MEOX2: variants seen among roughly 807,000 people sequenced by gnomAD.
The protein encoded by MEOX2 is mesenchyme homeobox 2.
Under a neutral mutation model 27.0 loss-of-function variants are expected in MEOX2, and 11 were observed. The ratio of observed to expected loss-of-function variants is 0.41; its 90% CI spans 0.26 to 0.68. The LOEUF is 0.68. Among genes scored for constraint, MEOX2 ranks in the 30% least tolerant of loss-of-function variants. The pLI, the probability that MEOX2 is intolerant of heterozygous loss-of-function variation, is 0.33. For missense variants in MEOX2, 436 were observed against 385.4 expected, an observed-to-expected ratio of 1.13 and a Z score of -1.10; for synonymous variants, 189 against 155.4, an observed-to-expected ratio of 1.22 and a Z score of -1.61.
intron 1 of MEOX2, among the ~76,000 whole-genome samples, chr7:15,635,463 C>G (rs2115366688): frequency 6.6e-6 from 1 of 152,036 alleles, no homozygotes; most frequent in African/African-American, 2.4e-5. Flanking sequence ...CTTATTCAAC[C>G]CCTATTGTCT....
At chr7:15,666,791 T>A (rs1782015613) in intron 1 of MEOX2, among the ~76,000 whole-genome samples, 8 of 127,494 alleles carry the variant, frequency 6.3e-5, no homozygotes, top group Non-Finnish European at 9.7e-5. Flanking sequence ...TATATATATA[T>A]ATATATATAT....
At chr7:15,653,454 T>C (rs1781771807) in intron 1 of MEOX2, among the ~76,000 whole-genome samples, 1 of 151,956 alleles carries the variant, frequency 6.6e-6, no homozygotes, top group Non-Finnish European at 1.5e-5. Context: ...TAACAGGGTC[T>C]TTCACGGAGC....
In MEOX2 at chr7:15,638,804, C is replaced by T. The variant is rs150758936; in HGVS notation, c.518-11886G>A. On this transcript the variant is annotated intron_variant, in intron 1 of 2. Transcript: ENST00000262041. ...ACTCCATCTCTACTGCTGTAGAGGA[C>T]AGGATTTGATACCTTTTTTATGGCT... Among the ~76,000 whole-genome samples, 304 of 152,170 alleles carry T rather than the reference C, an allele frequency of 2.0e-3. 2 individuals carry two copies. The highest frequency in any genetic ancestry group is 3.4e-3 in the Middle Eastern group (1 of 294).
chr7:15,648,458 T>G (rs923543645), intron 1 of MEOX2, among the ~76,000 whole-genome samples: 1 of 152,058 alleles, frequency 6.6e-6, no homozygotes. Flanking sequence ...TCTGGAAAGT[T>G]TAAGATGGCT....
intron 1 of MEOX2, among the ~76,000 whole-genome samples, chr7:15,660,831 G>A (rs1439471672): frequency 6.6e-6 from 1 of 151,780 alleles, no homozygotes. Flanking sequence ...AGACCAACCT[G>A]GCCAACATGG....
At chr7:15,617,880 A>C (rs950953080) in intron 2 of MEOX2, among the ~76,000 whole-genome samples, 1 of 152,082 alleles carries the variant, frequency 6.6e-6, no homozygotes, top group African/African-American at 2.4e-5. Context: ...AAAATTACAC[A>C]TTTCATATGT....
chr7:15,686,493 T>TC lies in MEOX2; in HGVS notation c.-92_-91insG. On this transcript the variant is annotated 5_prime_UTR_variant, in exon 1 of 3. Coordinates refer to ENST00000262041, the MANE Select transcript of MEOX2 (RefSeq NM_005924.5). ...CACTTTTTCACTGGAAACCGTGTGATTTTTTTTTTAACCTCCCAAAGCAAT... is the reference window on the plus strand; with the variant it reads ...CACTTTTTCACTGGAAACCGTGTGATCTTTTTTTTTAACCTCCCAAAGCAAT... 1.1e-6 allele frequency: 1 copy of TC among 911,656 alleles called. No homozygotes were observed. The highest frequency in any genetic ancestry group is 3.2e-5 in the East Asian group (1 of 31,740). 56.5% of individuals were successfully genotyped at this position (911,656 alleles called of 1,614,324 possible).
chr7:15,613,299 G>C (rs1252248793), intron 2 of MEOX2, among the ~76,000 whole-genome samples: 3 of 151,364 alleles, frequency 2.0e-5, no homozygotes, highest in Admixed American at 6.6e-5. Context: ...ATTCACATCA[G>C]CTTTGTACAG....
chr7:15,663,384 A>G (rs1424473296), intron 1 of MEOX2, among the ~76,000 whole-genome samples: 1 of 151,786 alleles, frequency 6.6e-6, no homozygotes, highest in African/African-American at 2.4e-5. Flanking sequence ...CCAAGCTGGA[A>G]CGCAGTGGCA....
At chr7:15,671,997 G>A (rs1424013068) in intron 1 of MEOX2, among the ~76,000 whole-genome samples, 1 of 151,932 alleles carries the variant, frequency 6.6e-6, no homozygotes, top group Non-Finnish European at 1.5e-5. Context: ...GGTGGCTGAG[G>A]AAGGAGAATC....
At chr7:15,652,456 A>G (rs1177889771) in intron 1 of MEOX2, among the ~76,000 whole-genome samples, 1 of 152,080 alleles carries the variant, frequency 6.6e-6, no homozygotes, top group Non-Finnish European at 1.5e-5. Context: ...TTCCATTTTG[A>G]AAGCAGCAAT....
At chr7:15,667,473 G>A (rs755699160) in intron 1 of MEOX2, among the ~76,000 whole-genome samples, 24 of 151,730 alleles carry the variant, frequency 1.6e-4, no homozygotes, top group African/African-American at 1.9e-4. Flanking sequence ...ATTGTACTGC[G>A]GACGCTTCCA....
intron 1 of MEOX2, among the ~76,000 whole-genome samples, chr7:15,682,406 G>T (rs1382065666): frequency 6.6e-6 from 1 of 151,724 alleles, no homozygotes; most frequent in Non-Finnish European, 1.5e-5. Flanking sequence ...ATTCTGCATA[G>T]TCAAGCATAT....
intron 2 of MEOX2, among the ~76,000 whole-genome samples, chr7:15,616,851 G>A (rs150174242): frequency 6.6e-6 from 1 of 151,878 alleles, no homozygotes; most frequent in African/African-American, 2.4e-5. Context: ...TCAAAGATGG[G>A]AGGTGTTGAA....
At chr7:15,659,284 C>T (rs1234077811) in intron 1 of MEOX2, among the ~76,000 whole-genome samples, 1 of 152,006 alleles carries the variant, frequency 6.6e-6, no homozygotes, top group Admixed American at 6.6e-5. Flanking sequence ...GTGTGGAAAC[C>T]ATAATGTTGC....
intron 1 of MEOX2, among the ~76,000 whole-genome samples, chr7:15,643,937 C>T (rs1006577279): frequency 6.6e-6 from 1 of 152,168 alleles, no homozygotes; most frequent in Admixed American, 6.5e-5. Flanking sequence ...GCTCCCAGGC[C>T]ACCAACAAAA....
chr7:15,639,391 T>G (rs1781528100), intron 1 of MEOX2, among the ~76,000 whole-genome samples: 1 of 152,092 alleles, frequency 6.6e-6, no homozygotes, highest in Admixed American at 6.6e-5. Flanking sequence ...TTTTGTTGGA[T>G]GCAGAGTTTT....
intron 2 of MEOX2, among the ~76,000 whole-genome samples, chr7:15,613,920 C>T (rs901501118): frequency 2.0e-5 from 3 of 152,074 alleles, no homozygotes; most frequent in African/African-American, 7.2e-5. Context: ...ATGGGAACTT[C>T]CCTGGAGACT....
At chr7:15,684,901 A>C (rs1782352108) in intron 1 of MEOX2, among the ~76,000 whole-genome samples, 1 of 152,254 alleles carries the variant, frequency 6.6e-6, no homozygotes, top group Non-Finnish European at 1.5e-5. Flanking sequence ...CTTGTCTGGA[A>C]ACTTTGAGTT....
Sources: gnomAD v4.1 joint callset for allele counts (sites outside exome capture counted in the v4.1 genomes callset) on GRCh38, gnomAD v4.1.1 for gene constraint, MANE v1.5 for transcripts, NCBI Gene and HGNC (gene_info 2026-07-23, HGNC 2026-07-21) for gene names.